The following SPDYA variants were observed in gnomAD, a reference collection of about 807,000 sequenced individuals.
The protein encoded by SPDYA is speedy/RINGO cell cycle regulator family member A.
Under a neutral mutation model 36.7 loss-of-function variants are expected in SPDYA, and 11 were observed. That is an observed-to-expected ratio of 0.30 (90% CI 0.19 to 0.50). SPDYA has a LOEUF of 0.50. SPDYA is among the 20% of genes least tolerant of loss of function. The pLI is 0.98. For synonymous variants in SPDYA, 115 were observed against 118.7 expected (o/e 0.97, Z 0.20); for missense variants, 287 against 370.9 (o/e 0.77, Z 1.86).
Position 28,829,262 on chromosome 2 carries a change from C to A in SPDYA, c.495C>A (p.Asp165Glu), listed in dbSNP as rs1366729793. Residue 165 changes from aspartate to glutamate, a missense_variant, in exon 6 of 8, where the codon GAC becomes GAA. Transcript: ENST00000334056. The stretch of plus-strand genomic sequence containing the variant: ...TCCCTAATTTCTTAAAGTTAAGGGA[C>A]CAGCTCTGGGATAGAATTGACTATA... ...KLFPNFLKLR[D>E]QLWDRIDYRA... The A allele has an allele frequency of 6.2e-7, 1 of 1,613,984 alleles. No homozygotes were observed. Among genetic ancestry groups the A allele is most frequent in the Admixed American group, 1.7e-5 (1 of 59,998 alleles).
intron 5 of SPDYA, among the ~76,000 whole-genome samples, chr2:28,824,740 G>A (rs1156973073): frequency 6.6e-6 from 1 of 151,600 alleles, no homozygotes; most frequent in Non-Finnish European, 1.5e-5. Context: ...TAGTAGAGAT[G>A]GGGTTTCACT....
At chr2:28,820,424 A>G (rs1048469132) in intron 4 of SPDYA, among the ~76,000 whole-genome samples, 2 of 151,912 alleles carry the variant, frequency 1.3e-5, no homozygotes, top group African/African-American at 4.8e-5. Context: ...TGTCTCTACT[A>G]AAAATACAAA....
Position 28,840,458 on chromosome 2 carries a change from C to G in SPDYA, c.839C>G (p.Thr280Ser), listed in dbSNP as rs766399726. 10 of 1,613,742 alleles carry G rather than the reference C, an allele frequency of 6.2e-6. No homozygotes were observed. Among genetic ancestry groups the G allele is most frequent in the Non-Finnish European group, 6.8e-6 (8 of 1,179,928 alleles). ...DIIGDPSQAY[T>S]GSEVVNDHQS... Reference sequence around the variant, plus strand: ...ATAGGTGATCCTTCTCAAGCTTATACTGGTTCTGAAGGTATGATTTAGTAA... The same window carrying G: ...ATAGGTGATCCTTCTCAAGCTTATAGTGGTTCTGAAGGTATGATTTAGTAA... The change falls in exon 7 of 8, where the codon ACT becomes AGT. Residue 280 changes from threonine to serine, a missense_variant. Thr to Ser is a moderately conservative substitution (Grantham distance 58, BLOSUM62 1). Coordinates refer to ENST00000334056, the MANE Select transcript of SPDYA (RefSeq NM_182756.4).
At chr2:28,834,112 A>T (rs189934850) in intron 6 of SPDYA, among the ~76,000 whole-genome samples, 2 of 151,916 alleles carry the variant, frequency 1.3e-5, no homozygotes, top group South Asian at 4.2e-4. Context: ...ACACACACAC[A>T]CACTTGAAAA....
intron 6 of SPDYA, among the ~76,000 whole-genome samples, chr2:28,832,895 C>G (rs1468852445): frequency 6.9e-6 from 1 of 144,186 alleles, no homozygotes; most frequent in African/African-American, 2.6e-5. Flanking sequence ...GGCAGTAGTG[C>G]AGTGGTGAGA....
chr2:28,839,973 A>G (rs1465986881), intron 6 of SPDYA, among the ~76,000 whole-genome samples, 199 bp from the exon 7 acceptor site: 1 of 152,184 alleles, frequency 6.6e-6, no homozygotes, highest in African/African-American at 2.4e-5. Context: ...TACTTTGTCA[A>G]TTATTGTCTT....
intron 3 of SPDYA, among the ~76,000 whole-genome samples, chr2:28,817,429 C>T (rs756362432): frequency 2.6e-5 from 4 of 152,032 alleles, no homozygotes; most frequent in Non-Finnish European, 5.9e-5. Flanking sequence ...GGTGTGGTGG[C>T]ACATGCCTGT....
rs555080442 is a variant in SPDYA, at chr2:28,828,652, T to C, written c.381-496T>C. Among the ~76,000 whole-genome samples the C allele has an allele frequency of 2.6e-5, 4 of 152,350 alleles. No individual in the cohort carries two copies. In the East Asian group the frequency reaches 7.7e-4, roughly 29 times the overall value. On this transcript the variant is annotated intron_variant, in intron 5 of 7. Transcript: ENST00000334056. ...ATTCAGCAGAATGCTGAGTTTCATA[T>C]GTGTATAAGAAAATTACCTGAATCT...
intron 2 of SPDYA, 55 bp from the exon 3 acceptor site, chr2:28,815,942 G>T: frequency 8.5e-7 from 1 of 1,178,072 alleles, no homozygotes. Flanking sequence ...CCAGTTAGTT[G>T]TTTATATATG....
chr2:28,834,476 A>C (rs1572508794), intron 6 of SPDYA, among the ~76,000 whole-genome samples: 1 of 152,224 alleles, frequency 6.6e-6, no homozygotes, highest in East Asian at 1.9e-4. Context: ...CTGAATGTCC[A>C]TCAGCTGATA....
At chr2:28,818,250 TTGA>T (rs1558321463) in intron 3 of SPDYA, among the ~76,000 whole-genome samples, 1 of 152,070 alleles carries the variant, frequency 6.6e-6, no homozygotes, top group Admixed American at 6.6e-5. Context: ...TATGACTACA[TTGA>T]TGATATTTTA....
chr2:28,835,496 C>CAA (rs1668573127), intron 6 of SPDYA, among the ~76,000 whole-genome samples: 1 of 152,140 alleles, frequency 6.6e-6, no homozygotes, highest in Non-Finnish European at 1.5e-5. Context: ...CTCAGCCTCC[C>CAA]AGAGTGCTGG....
intron 6 of SPDYA, among the ~76,000 whole-genome samples, chr2:28,836,556 G>T (rs1420987102): frequency 3.3e-5 from 5 of 152,088 alleles, no homozygotes; most frequent in Admixed American, 3.3e-4. Context: ...AATCTTGGCT[G>T]CAAAGAAGCT....
chr2:28,824,249 G>T (rs919219466), intron 5 of SPDYA, among the ~76,000 whole-genome samples: 1 of 151,762 alleles, frequency 6.6e-6, no homozygotes, highest in East Asian at 2.0e-4. Flanking sequence ...AGGCTGGGGC[G>T]GAAGGATTGC....
rs70956047 is a variant in SPDYA at position 28,812,857 on chromosome 2, C to CAAAAAA, written c.-92-1739_-92-1734dup. ...GGGCGACAAGAGCGAAACTCCGTCT[C>CAAAAAA]AAAAAAAAAAAAAAAAAAAAAATTA... On this transcript the variant is annotated intron_variant, in intron 1 of 7. Transcript: ENST00000334056. 5.6e-3 allele frequency among the ~76,000 whole-genome samples: 467 copies of CAAAAAA among 84,000 alleles called. 6 individuals are homozygous for CAAAAAA. Among genetic ancestry groups the CAAAAAA allele is most frequent in the African/African-American group, 0.022 (446 of 20,132 alleles). The allele number at this position is 84,000 out of a possible 152,430, so 55.1% of individuals were successfully genotyped here.
At chr2:28,840,920 T>G in intron 7 of SPDYA, 6 of 191,382 alleles carry the variant, frequency 3.1e-5, no homozygotes, top group South Asian at 1.8e-4. Context: ...TATTGAGTCC[T>G]CCAAAACCAG....
At position 28,829,181 on chromosome 2, in the gene SPDYA, A is replaced by T. The variant is rs749128431; in HGVS notation, c.414A>T (p.Glu138Asp). 5 of 1,613,684 alleles carry T rather than the reference A, an allele frequency of 3.1e-6. No homozygotes were observed. Among genetic ancestry groups the T allele is most frequent in the Admixed American group, 3.3e-5 (2 of 59,836 alleles). The change falls in exon 6 of 8, where the codon GAA becomes GAT. Residue 138 changes from glutamate to aspartate, a missense_variant. Coordinates refer to ENST00000334056, the MANE Select transcript of SPDYA (RefSeq NM_182756.4). ...CTAATACAGTTGAAGAAGATGAAGA[A>T]GAAACCAAGTACGAAATTTTTCCAT... ...YLANTVEEDE[E>D]ETKYEIFPWA...
intron 3 of SPDYA, 38 bp from the exon 4 acceptor site, chr2:28,819,010 G>T (rs1322423413): frequency 3.4e-6 from 5 of 1,487,686 alleles, no homozygotes; most frequent in Middle Eastern, 3.8e-4. Context: ...GAAACATTCT[G>T]TTTTTAAAAG....
intron 4 of SPDYA, 112 bp from the exon 5 acceptor site, chr2:28,822,213 C>T (rs1393859384): frequency 2.1e-6 from 1 of 475,774 alleles, no homozygotes; most frequent in Non-Finnish European, 3.8e-6. Context: ...TAATAAGTAA[C>T]ACTTTATTGT....
Sources: gnomAD v4.1 joint callset for allele counts (sites outside exome capture counted in the v4.1 genomes callset) on GRCh38, gnomAD v4.1.1 for gene constraint, MANE v1.5 for transcripts, NCBI Gene and HGNC (gene_info 2026-07-23, HGNC 2026-07-21) for gene names.